CHODL: variants seen among roughly 807,000 people sequenced by gnomAD.
CHODL encodes transmembrane protein MT75.
CHODL carries 29 observed loss-of-function variants against 34.5 expected under a neutral mutation model. That is an observed-to-expected ratio of 0.84 (90% CI 0.63 to 1.15). The LOEUF (loss-of-function observed/expected upper bound fraction) is 1.15, where lower values mean the gene tolerates loss of function less well. Ranked by LOEUF, CHODL falls within the 50% of genes most tolerant of loss-of-function variation. The pLI is 0.00. For synonymous variants in CHODL, 125 were observed against 116.1 expected (o/e 1.08, Z -0.49); for missense variants, 332 against 332.5 (o/e 1.00, Z 0.01).
chr21:18,121,195 G>A (rs191209255), intron 2 of CHODL, among the ~76,000 whole-genome samples: 1 of 152,120 alleles, frequency 6.6e-6, no homozygotes, highest in Non-Finnish European at 1.5e-5. Flanking sequence ...CTCAGCAGGG[G>A]TGTCCAATCT....
chr21:17,922,868 C>T (rs1208038573), intron 1 of CHODL, among the ~76,000 whole-genome samples: 2 of 152,040 alleles, frequency 1.3e-5, no homozygotes, highest in Non-Finnish European at 1.5e-5. Flanking sequence ...AGACACGTGC[C>T]CAAGGTGGTC....
At chr21:18,098,051 A>G (rs1019911092) in intron 2 of CHODL, among the ~76,000 whole-genome samples, 4 of 152,100 alleles carry the variant, frequency 2.6e-5, no homozygotes, top group African/African-American at 4.8e-5. Context: ...CACCACATAC[A>G]AAAATAAAAT....
intron 2 of CHODL, among the ~76,000 whole-genome samples, chr21:18,219,453 A>G (rs1008673060): frequency 2.6e-5 from 4 of 152,114 alleles, no homozygotes; most frequent in African/African-American, 9.7e-5. Context: ...GGGAACTACA[A>G]TTAAAGGTGA....
intron 2 of CHODL, among the ~76,000 whole-genome samples, chr21:18,108,617 C>G (rs1405402861): frequency 6.6e-6 from 1 of 152,084 alleles, no homozygotes; most frequent in Non-Finnish European, 1.5e-5. Context: ...CCTTGGCTGC[C>G]CCCCAGTACT....
Position 18,156,803 on chromosome 21 carries a change from T to C in CHODL, c.-44-99706T>C, listed in dbSNP as rs78526228. ...TTCTGAAACGGACAGTGGGCATGGC[T>C]CTTCTCTGCTCTACATGTCTGGGCC... On this transcript the variant is annotated intron_variant, in intron 2 of 6. Coordinates refer to the CHODL transcript ENST00000400127. Among the ~76,000 whole-genome samples the C allele has an allele frequency of 5.1e-4, 77 of 152,306 alleles. 3 individuals carry two copies. The East Asian group carries it at 0.013, about 26-fold the overall frequency.
At position 18,266,392 on chromosome 21, in the gene CHODL, C is replaced by A; in HGVS notation, c.*354C>A. Reference sequence around the variant, plus strand: ...CACCTTTCATAAGTTGTTATCTAGTCAATGTAATGTATATTGTATTGAAAT... The same window carrying A: ...CACCTTTCATAAGTTGTTATCTAGTAAATGTAATGTATATTGTATTGAAAT... On this transcript the variant is annotated 3_prime_UTR_variant, in exon 6 of 6. Coordinates refer to ENST00000299295, the MANE Select transcript of CHODL (RefSeq NM_024944.3). 2.3e-6 allele frequency: 1 copy of A among 440,484 alleles called. No homozygotes were observed. Among genetic ancestry groups the A allele is most frequent in the Non-Finnish European group, 4.1e-6 (1 of 245,730 alleles). 27.3% of individuals were successfully genotyped at this position (440,484 alleles called of 1,614,324 possible). A position where few individuals can be genotyped will look rare whatever the true frequency, so the allele number is the denominator to read the frequency against.
chr21:17,971,233 C>G (rs2063611874), intron 1 of CHODL, among the ~76,000 whole-genome samples: 1 of 152,102 alleles, frequency 6.6e-6, no homozygotes, highest in South Asian at 2.1e-4. Flanking sequence ...ATTTATAATC[C>G]TTTGCGTGTA....
chr21:17,955,194 A>C (rs890188661), intron 1 of CHODL, among the ~76,000 whole-genome samples: 1 of 137,050 alleles, frequency 7.3e-6, no homozygotes, highest in Non-Finnish European at 1.7e-5. Flanking sequence ...CACCTTAAAA[A>C]TGATAATTTC....
intron 2 of CHODL, among the ~76,000 whole-genome samples, chr21:18,106,115 T>C (rs1169935858): frequency 1.3e-5 from 2 of 152,182 alleles, no homozygotes; most frequent in Non-Finnish European, 2.9e-5. Flanking sequence ...TAACAATGGG[T>C]TGGTAGGACT....
intron 2 of CHODL, among the ~76,000 whole-genome samples, chr21:18,156,002 A>G (rs1284718497): frequency 6.6e-6 from 1 of 152,214 alleles, no homozygotes; most frequent in Non-Finnish European, 1.5e-5. Flanking sequence ...GCCAAGTGCT[A>G]CTGCTGTTTA....
rs543676833 is a variant in CHODL at position 18,253,579 on chromosome 21, T to G, written c.80-2930T>G. Among the ~76,000 whole-genome samples, 4 of 152,262 alleles carry G rather than the reference T, an allele frequency of 2.6e-5. No individual in the cohort carries two copies. The South Asian group carries it at 8.3e-4, about 32-fold the overall frequency. On this transcript the variant is annotated intron_variant, in intron 1 of 5. Transcript: ENST00000299295. ...CTTAATGGCATTGTTAGGCTCTGAC[T>G]GAGAACAACCATTTTAAATGATGAA... is the stretch of plus-strand genomic sequence containing the variant.
rs146780337 is a variant in CHODL, at chr21:17,996,053, T to A, written c.-144-31819T>A. Among the ~76,000 whole-genome samples, 61 of 152,314 alleles carry A rather than the reference T, an allele frequency of 4.0e-4. 1 individual carries two copies. Among genetic ancestry groups the A allele is most frequent in the African/African-American group, 1.4e-3 (60 of 41,568 alleles). Reference sequence around the variant, plus strand: ...TTGTATATGTTATGTGGCATCTGATTGAGTGACTTTTGACTCATCATTTAT... The same window carrying A: ...TTGTATATGTTATGTGGCATCTGATAGAGTGACTTTTGACTCATCATTTAT... On this transcript the variant is annotated intron_variant, in intron 1 of 6. Coordinates refer to the CHODL transcript ENST00000400127.
chr21:18,257,600 A>G (rs1277756597), intron 3 of CHODL, among the ~76,000 whole-genome samples: 1 of 152,148 alleles, frequency 6.6e-6, no homozygotes, highest in Non-Finnish European at 1.5e-5. Flanking sequence ...GACATGTGGT[A>G]CTCAGTAAAA....
chr21:18,004,073 A>G (rs550589978), intron 1 of CHODL, among the ~76,000 whole-genome samples: 1 of 152,348 alleles, frequency 6.6e-6, no homozygotes, highest in South Asian at 2.1e-4. Flanking sequence ...TTGTCTTCAA[A>G]GTGTTTGCCT....
chr21:18,222,662 T>G (rs1196756202), intron 2 of CHODL, among the ~76,000 whole-genome samples: 1 of 152,280 alleles, frequency 6.6e-6, no homozygotes, highest in Non-Finnish European at 1.5e-5. Flanking sequence ...GCTGCCTTGC[T>G]TCCCTCACTG....
At chr21:17,944,488 A>G (rs1171483386) in intron 1 of CHODL, among the ~76,000 whole-genome samples, 1 of 152,200 alleles carries the variant, frequency 6.6e-6, no homozygotes, top group Non-Finnish European at 1.5e-5. Context: ...CCACCCAGAC[A>G]GCGGGACAAT....
At chr21:18,061,258 C>G (rs766562613) in intron 2 of CHODL, among the ~76,000 whole-genome samples, 6 of 152,156 alleles carry the variant, frequency 3.9e-5, no homozygotes, top group Non-Finnish European at 8.8e-5. Context: ...GGTTCAGACG[C>G]TTAGCAAATT....
chr21:18,093,832 G>A (rs1167275428), intron 2 of CHODL, among the ~76,000 whole-genome samples: 1 of 151,898 alleles, frequency 6.6e-6, no homozygotes, highest in Non-Finnish European at 1.5e-5. Flanking sequence ...AGAGACGACT[G>A]GGAAACAACC....
At chr21:18,017,027 T>A (rs1258975419) in intron 1 of CHODL, among the ~76,000 whole-genome samples, 3 of 152,268 alleles carry the variant, frequency 2.0e-5, no homozygotes, top group African/African-American at 7.2e-5. Context: ...TGGAAGTAAC[T>A]AACTTGCTTT....
Sources: allele counts gnomAD v4.1 joint callset (sites outside exome capture counted in the v4.1 genomes callset), GRCh38; gene constraint gnomAD v4.1.1; transcripts MANE v1.5; gene names NCBI Gene and HGNC (gene_info 2026-07-23, HGNC 2026-07-21).